TM9SF3: variants seen among roughly 807,000 people sequenced by gnomAD.
The protein encoded by TM9SF3 is SM-11044-binding protein.
In TM9SF3, 14 loss-of-function variants were observed where a neutral mutation model predicts 78.6. The ratio of observed to expected loss-of-function variants is 0.18; its 90% confidence interval spans 0.12 to 0.28. The LOEUF (loss-of-function observed/expected upper bound fraction) is 0.28. TM9SF3 is among the 10% of genes least tolerant of loss of function. TM9SF3 has a pLI of 1.00. For synonymous variants in TM9SF3, 231 were observed against 241.7 expected (o/e 0.96, Z 0.41); for missense variants, 496 against 721.9 (o/e 0.69, Z 3.59).
intron 14 of TM9SF3, 148 bp from the exon 15 acceptor site, chr10:96,522,478 C>T (rs1179146107): frequency 3.2e-6 from 2 of 616,652 alleles, no homozygotes; most frequent in Non-Finnish European, 5.1e-6. Context: ...CTTACTAAAA[C>T]TGTATCATTT....
At chr10:96,580,220 A>G (rs2134162134) in intron 1 of TM9SF3, among the ~76,000 whole-genome samples, 1 of 152,250 alleles carries the variant, frequency 6.6e-6, no homozygotes, top group South Asian at 2.1e-4. Context: ...ACGCTGGCCA[A>G]AACGGTTTAT....
At chr10:96,548,924 C>T (rs1453386695) in intron 7 of TM9SF3, among the ~76,000 whole-genome samples, 1 of 152,098 alleles carries the variant, frequency 6.6e-6, no homozygotes, top group African/African-American at 2.4e-5. Flanking sequence ...CCCCATGTCC[C>T]TCAAGTAAAC....
chr10:96,559,803 C>A, intron 4 of TM9SF3, 67 bp from the exon 5 acceptor site: 3 of 905,436 alleles, frequency 3.3e-6, no homozygotes, highest in Non-Finnish European at 5.0e-6. Flanking sequence ...TGACAAAACT[C>A]TGAGCAAAAT....
chr10:96,551,210 A>G (rs1264657796), intron 7 of TM9SF3, 35 bp downstream of exon 7: 1 of 1,517,216 alleles, frequency 6.6e-7, no homozygotes, highest in African/African-American at 1.4e-5. Context: ...TTTAAGAACA[A>G]TAAAGACATA....
chr10:96,540,769 CTTTTTTT>C (rs68126103), intron 9 of TM9SF3, among the ~76,000 whole-genome samples: 1 of 51,308 alleles, frequency 1.9e-5, no homozygotes, highest in African/African-American at 8.2e-5. Context: ...TATTACCTTT[CTTTTTTT>C]TTTTTTTTTT....
chr10:96,527,384 A>C, intron 13 of TM9SF3, 29 bp downstream of exon 13: 1 of 1,598,312 alleles, frequency 6.3e-7, no homozygotes, highest in Non-Finnish European at 8.5e-7. Context: ...AGTTTCCTAA[A>C]TAAAAGGTAA....
At chr10:96,530,083 ACACTTCCTAG>A (rs1355057836) in intron 11 of TM9SF3, among the ~76,000 whole-genome samples, 9 of 152,178 alleles carry the variant, frequency 5.9e-5, no homozygotes, top group Admixed American at 1.3e-4. Flanking sequence ...AAATACATAC[ACACTTCCTAG>A]CACTCCTGCA....
chr10:96,533,101 G>A lies in TM9SF3; in HGVS notation c.1275C>T (p.Asn425=), dbSNP rs763096470. The change falls in exon 10 of 15, where the codon AAC becomes AAT. Residue 425 remains asparagine, a synonymous_variant. Coordinates refer to ENST00000371142, the MANE Select transcript of TM9SF3 (RefSeq NM_020123.4). ...GCACAGCATTGACACGACAAGGAAA[G>A]TTGGGCTGACCTGACAGATTTCGGC... ...ILGRNLSGQP[N]FPCRVNAVPR... 1 of 1,614,100 alleles carries A rather than the reference G, an allele frequency of 6.2e-7. No individual in the cohort carries two copies. The highest frequency in any genetic ancestry group is 8.5e-7 in the Non-Finnish European group (1 of 1,180,004).
Position 96,559,751 on chromosome 10 carries a change from T to A in TM9SF3, c.583-15A>T. 6.6e-7 allele frequency: 1 copy of A among 1,518,660 alleles called. No homozygotes were observed. Among genetic ancestry groups the A allele is most frequent in the Non-Finnish European group, 8.9e-7 (1 of 1,121,206 alleles). 94.1% of individuals were successfully genotyped at this position (1,518,660 alleles called of 1,614,324 possible). A position where few individuals can be genotyped will look rare whatever the true frequency, so the allele number is the denominator to read the frequency against. On this transcript the variant is annotated splice_polypyrimidine_tract_variant and intron_variant, in intron 4 of 14. Coordinates refer to ENST00000371142, the MANE Select transcript of TM9SF3 (RefSeq NM_020123.4). ...TTCCATTTTACCTAAAAAAAATTTT[T>A]TCATTTGAAAATAAAGGCCAGTAAA...
At chr10:96,573,053 T>C (rs762668145) in intron 2 of TM9SF3, among the ~76,000 whole-genome samples, 4 of 152,204 alleles carry the variant, frequency 2.6e-5, no homozygotes, top group Admixed American at 6.5e-5. Flanking sequence ...TATGTAAACA[T>C]GTATGTATGT....
At chr10:96,527,122 A>G (rs900200790) in intron 14 of TM9SF3, 91 bp downstream of exon 14, 49 of 1,103,484 alleles carry the variant, frequency 4.4e-5, no homozygotes, top group Non-Finnish European at 6.0e-5. Context: ...ATCAAACAAC[A>G]GATAAAATTT....
At chr10:96,533,272 C>T (rs1042554425) in intron 9 of TM9SF3, 82 bp from the exon 10 acceptor site, 34 of 1,464,030 alleles carry the variant, frequency 2.3e-5, no homozygotes, top group Non-Finnish European at 3.0e-5. Context: ...AATTTAAACA[C>T]AATTTGACCA....
At chr10:96,555,131 T>C (rs1182909299) in intron 5 of TM9SF3, among the ~76,000 whole-genome samples, 1 of 152,174 alleles carries the variant, frequency 6.6e-6, no homozygotes, top group East Asian at 1.9e-4. Context: ...ATTCTAAAAT[T>C]TACAGTTGTA....
chr10:96,562,608 T>A (rs1383118943), intron 3 of TM9SF3, among the ~76,000 whole-genome samples: 2 of 152,200 alleles, frequency 1.3e-5, no homozygotes, highest in Non-Finnish European at 1.5e-5. Context: ...CAGTAAGATG[T>A]ACACATGTAT....
chr10:96,563,188 A>C (rs1848330044), intron 3 of TM9SF3, among the ~76,000 whole-genome samples: 1 of 151,984 alleles, frequency 6.6e-6, no homozygotes, highest in Admixed American at 6.6e-5. Flanking sequence ...CAATCCTCCT[A>C]CCTCAGCCTC....
intron 1 of TM9SF3, among the ~76,000 whole-genome samples, 173 bp from the exon 2 acceptor site, chr10:96,577,002 T>C (rs551924746): frequency 1.3e-5 from 2 of 152,152 alleles, no homozygotes; most frequent in African/African-American, 2.4e-5. Context: ...AAATGAAACT[T>C]TGTGAATTTT....
chr10:96,549,337 C>T (rs915794706), intron 7 of TM9SF3, among the ~76,000 whole-genome samples: 1 of 152,118 alleles, frequency 6.6e-6, no homozygotes, highest in African/African-American at 2.4e-5. Flanking sequence ...TTTCTCACCA[C>T]TTTGTATTAT....
intron 7 of TM9SF3, among the ~76,000 whole-genome samples, chr10:96,548,385 T>A (rs1485227420): frequency 2.6e-5 from 4 of 152,230 alleles, no homozygotes; most frequent in African/African-American, 9.6e-5. Context: ...ATAACTTGAT[T>A]CAACTGCTTA....
chr10:96,526,368 TG>T (rs1166852449), intron 14 of TM9SF3, among the ~76,000 whole-genome samples: 3 of 151,992 alleles, frequency 2.0e-5, no homozygotes, highest in Non-Finnish European at 4.4e-5. Flanking sequence ...CAGATAAAAA[TG>T]AGACTTAGAA....
Sources: gnomAD v4.1 joint callset for allele counts (sites outside exome capture counted in the v4.1 genomes callset) on GRCh38, gnomAD v4.1.1 for gene constraint, MANE v1.5 for transcripts, NCBI Gene and HGNC (gene_info 2026-07-23, HGNC 2026-07-21) for gene names.